The following BICDL1 variants were observed in gnomAD, a reference collection of about 807,000 sequenced individuals.
BICDL1 encodes BICD family-like cargo adapter 1.
A neutral mutation model predicts 76.8 loss-of-function variants in BICDL1; 20 were observed. That is an observed-to-expected ratio of 0.26 (90% confidence interval 0.18 to 0.38). The LOEUF (loss-of-function observed/expected upper bound fraction) is 0.38. BICDL1 is among the 10% of genes least tolerant of loss of function. BICDL1 has a pLI of 1.00. For missense variants in BICDL1, 700 were observed against 798.6 expected, an observed-to-expected ratio of 0.88 and a Z score of 1.49; for synonymous variants, 383 against 337.1, an observed-to-expected ratio of 1.14 and a Z score of -1.49.
At chr12:120,006,867 T>G (rs1162198925) in intron 2 of BICDL1, among the ~76,000 whole-genome samples, 1 of 152,070 alleles carries the variant, frequency 6.6e-6, no homozygotes, top group Non-Finnish European at 1.5e-5. Flanking sequence ...ATGACCTGAT[T>G]GATAACAACT....
At chr12:119,993,894 G>A (rs1385163912) in intron 1 of BICDL1, among the ~76,000 whole-genome samples, 1 of 152,204 alleles carries the variant, frequency 6.6e-6, no homozygotes, top group Non-Finnish European at 1.5e-5. Flanking sequence ...GGGATTATAG[G>A]CGTGAGCCAC....
chr12:120,076,613 T>C (rs1485119990), intron 7 of BICDL1, among the ~76,000 whole-genome samples: 1 of 151,960 alleles, frequency 6.6e-6, no homozygotes, highest in East Asian at 1.9e-4. Flanking sequence ...GGCCAGTTGC[T>C]GTGGATTCTC....
chr12:119,998,282 A>G (rs895072265), intron 1 of BICDL1, among the ~76,000 whole-genome samples: 4 of 152,192 alleles, frequency 2.6e-5, no homozygotes, highest in African/African-American at 9.7e-5. Flanking sequence ...GATAAGAATA[A>G]ACATAATAAC....
intron 2 of BICDL1, among the ~76,000 whole-genome samples, chr12:120,016,494 C>G (rs1391543260): frequency 7.3e-6 from 1 of 137,252 alleles, no homozygotes; most frequent in Non-Finnish European, 1.5e-5. Flanking sequence ...TGCTGGAGTA[C>G]AGTGGCGTGA....
intron 2 of BICDL1, among the ~76,000 whole-genome samples, chr12:120,056,010 C>G (rs185623806): frequency 3.2e-4 from 48 of 152,158 alleles, no homozygotes; most frequent in African/African-American, 8.7e-4. Flanking sequence ...TTGGAACACT[C>G]GAAATGCTCA....
chr12:120,083,845 G>A (rs1213056206), intron 8 of BICDL1, among the ~76,000 whole-genome samples: 3 of 151,524 alleles, frequency 2.0e-5, no homozygotes, highest in South Asian at 2.1e-4. Context: ...TAGAGACGGG[G>A]TTTCAGCATG....
intron 1 of BICDL1, 150 bp downstream of exon 1, chr12:119,990,447 A>G (rs995740343): frequency 1.4e-6 from 2 of 1,427,382 alleles, no homozygotes; most frequent in Non-Finnish European, 1.9e-6. Flanking sequence ...AGGATGGAGG[A>G]TTATCAGATT....
At chr12:120,043,563 C>T (rs933230065) in intron 2 of BICDL1, among the ~76,000 whole-genome samples, 2 of 152,176 alleles carry the variant, frequency 1.3e-5, no homozygotes, top group Non-Finnish European at 2.9e-5. Context: ...TAATTTACAT[C>T]AAAGGCTAAG....
chr12:120,058,085 G>T (rs751117576), intron 2 of BICDL1, among the ~76,000 whole-genome samples: 1 of 151,540 alleles, frequency 6.6e-6, no homozygotes, highest in Non-Finnish European at 1.5e-5. Flanking sequence ...CACCCGCCTC[G>T]GCCTCCCAAA....
chr12:120,092,063 A>G, intron 9 of BICDL1: 1 of 985,450 alleles, frequency 1.0e-6, no homozygotes, highest in African/African-American at 1.7e-5. Context: ...CACATGTTAC[A>G]TTTACTGATG....
At chr12:120,091,374 C>CCAAAA (rs1874952811) in intron 9 of BICDL1, 5 of 1,011,490 alleles carry the variant, frequency 4.9e-6, no homozygotes, top group Non-Finnish European at 5.9e-6. Flanking sequence ...TTTCAGTGTG[C>CCAAAA]CAAACAAAAC....
At chr12:120,052,601 C>T (rs1329173842) in intron 2 of BICDL1, among the ~76,000 whole-genome samples, 1 of 151,950 alleles carries the variant, frequency 6.6e-6, no homozygotes, top group Non-Finnish European at 1.5e-5. Flanking sequence ...GCCAGGCTCC[C>T]CACTATAAAT....
intron 2 of BICDL1, among the ~76,000 whole-genome samples, chr12:120,009,926 G>A (rs1951921191): frequency 6.6e-6 from 1 of 152,252 alleles, no homozygotes. Flanking sequence ...GTGTTTTAGA[G>A]CTAAAAGAGA....
intron 8 of BICDL1, among the ~76,000 whole-genome samples, chr12:120,081,928 A>T (rs1874024063): frequency 7.2e-6 from 1 of 139,292 alleles, no homozygotes. Flanking sequence ...AGAAAGAATT[A>T]AAAAAAAAAA....
chr12:120,005,198 A>G (rs1278079351), intron 2 of BICDL1, among the ~76,000 whole-genome samples: 1 of 152,218 alleles, frequency 6.6e-6, no homozygotes, highest in African/African-American at 2.4e-5. Context: ...CTGTGAAATA[A>G]TATTGAGACA....
At chr12:120,026,164 T>C (rs1309119482) in intron 2 of BICDL1, among the ~76,000 whole-genome samples, 1 of 152,188 alleles carries the variant, frequency 6.6e-6, no homozygotes, top group Non-Finnish European at 1.5e-5. Flanking sequence ...GAGTTTCATA[T>C]TGAAGTATTT....
intron 2 of BICDL1, among the ~76,000 whole-genome samples, chr12:120,027,027 C>CTTTTTT (rs10606114): frequency 5.1e-5 from 6 of 118,088 alleles, no homozygotes; most frequent in Non-Finnish European, 5.2e-5. Context: ...GATGTAATTT[C>CTTTTTT]TTTTTTTTTT....
chr12:120,039,186 A>T (rs1286626631), intron 2 of BICDL1, among the ~76,000 whole-genome samples: 1 of 151,856 alleles, frequency 6.6e-6, no homozygotes, highest in Non-Finnish European at 1.5e-5. Context: ...AGTCCCAGCT[A>T]CTTGTGAGGC....
At chr12:120,038,639 A>C (rs1245440322) in intron 2 of BICDL1, among the ~76,000 whole-genome samples, 1 of 152,102 alleles carries the variant, frequency 6.6e-6, no homozygotes, top group Non-Finnish European at 1.5e-5. Flanking sequence ...GGCTGTTGTG[A>C]GCCAAGACTT....
Sources: allele counts gnomAD v4.1 joint callset (sites outside exome capture counted in the v4.1 genomes callset), GRCh38; gene constraint gnomAD v4.1.1; transcripts MANE v1.5; gene names NCBI Gene and HGNC (gene_info 2026-07-23, HGNC 2026-07-21).